SLC25A37: variants seen among roughly 807,000 people sequenced by gnomAD.
SLC25A37 encodes the protein mitoferrin-1.
In SLC25A37, 17 loss-of-function variants were observed where a neutral mutation model predicts 31.0. The ratio of observed to expected loss-of-function variants is 0.55; its 90% confidence interval spans 0.38 to 0.82. The LOEUF is 0.82. Among genes scored for constraint, SLC25A37 ranks in the 40% least tolerant of loss-of-function variants. The pLI is 0.00. For synonymous variants in SLC25A37, 222 were observed against 193.0 expected (o/e 1.15, Z -1.24); for missense variants, 404 against 465.8 (o/e 0.87, Z 1.22).
chr8:23,529,091 C>A lies in SLC25A37; in HGVS notation c.89C>A (p.Ala30Asp). 4 of 1,605,238 alleles carry A rather than the reference C, an allele frequency of 2.5e-6. No individual in the cohort carries two copies. Among genetic ancestry groups the A allele is most frequent in the Non-Finnish European group, 3.4e-6 (4 of 1,176,802 alleles). ...CGAGATGGCGGCGGCGGCAAGGACG[C>A]CACCGGGTCGGAGGACTACGAGAAC... ...DSRDGGGGKD[A>D]TGSEDYENLP... Residue 30 changes from alanine to aspartate, a missense_variant, in exon 1 of 4, where the codon GCC (alanine) becomes GAC (aspartate). Ala to Asp is a moderately radical substitution (Grantham distance 126). This residue lies in a region of SLC25A37 where 154 missense variants were observed against 153.6 expected (regional missense o/e 1.00). Coordinates refer to ENST00000519973, the MANE Select transcript of SLC25A37 (RefSeq NM_016612.4). This position sits in a 1 kb window ranked among gnomAD's most constrained non-coding sequence, Gnocchi z 4.1.
intron 1 of SLC25A37, among the ~76,000 whole-genome samples, chr8:23,544,903 C>T (rs1046635641): frequency 3.3e-5 from 5 of 152,188 alleles, no homozygotes; most frequent in African/African-American, 1.2e-4. Context: ...GAAGCCCAGC[C>T]TCCTCCCAGG....
At chr8:23,544,591 C>G (rs1434920661) in intron 1 of SLC25A37, among the ~76,000 whole-genome samples, 1 of 152,110 alleles carries the variant, frequency 6.6e-6, no homozygotes, top group African/African-American at 2.4e-5. Flanking sequence ...GATCCTGCAC[C>G]TCACGGGGAG....
chr8:23,555,217 T>C (rs955883873), intron 1 of SLC25A37, among the ~76,000 whole-genome samples: 2 of 152,222 alleles, frequency 1.3e-5, no homozygotes, highest in African/African-American at 4.8e-5. Flanking sequence ...TTCCTCTCCA[T>C]GCCAAATTTG....
intron 1 of SLC25A37, among the ~76,000 whole-genome samples, chr8:23,554,842 C>T (rs1397319304): frequency 2.0e-5 from 3 of 152,180 alleles, no homozygotes; most frequent in Admixed American, 6.5e-5. Context: ...TTCTGTTGCA[C>T]GGCCTGTTGC....
chr8:23,566,859 G>C, intron 2 of SLC25A37: 1 of 982,046 alleles, frequency 1.0e-6, no homozygotes, highest in Non-Finnish European at 1.2e-6. Flanking sequence ...AACGCAGAAG[G>C]CCTTTCCCAC....
chr8:23,564,878 TCTAC>T (rs1199798873), intron 1 of SLC25A37, among the ~76,000 whole-genome samples: 3 of 151,976 alleles, frequency 2.0e-5, no homozygotes, highest in Admixed American at 6.6e-5. Context: ...TGTCTGTCTG[TCTAC>T]CTACCTACCT....
At chr8:23,549,578 G>A (rs1018466181) in intron 1 of SLC25A37, among the ~76,000 whole-genome samples, 2 of 152,216 alleles carry the variant, frequency 1.3e-5, no homozygotes, top group Non-Finnish European at 2.9e-5. Flanking sequence ...AGAACGGCAA[G>A]CCTGGTGCAT....
At chr8:23,540,111 T>G (rs1256567822) in intron 1 of SLC25A37, among the ~76,000 whole-genome samples, 1 of 152,232 alleles carries the variant, frequency 6.6e-6, no homozygotes, top group African/African-American at 2.4e-5. Flanking sequence ...TAGCTTTTAT[T>G]TGGTCATTTG....
intron 1 of SLC25A37, among the ~76,000 whole-genome samples, chr8:23,533,056 T>C (rs1801693435): frequency 6.6e-6 from 1 of 152,236 alleles, no homozygotes; most frequent in Non-Finnish European, 1.5e-5. Flanking sequence ...TCCCTTCTTT[T>C]CTCTCCTTTG....
At chr8:23,536,460 T>G (rs1801770785) in intron 1 of SLC25A37, among the ~76,000 whole-genome samples, 1 of 152,088 alleles carries the variant, frequency 6.6e-6, no homozygotes, top group Admixed American at 6.5e-5. Flanking sequence ...CAGGGGCACC[T>G]CCGAGAGGGG....
At position 23,550,350 on chromosome 8, in the gene SLC25A37, C is replaced by T. The variant is rs570404802; in HGVS notation, c.211-15758C>T. Among the ~76,000 whole-genome samples the T allele has an allele frequency of 2.8e-4, 42 of 152,200 alleles. 2 individuals carry two copies. The South Asian group carries it at 5.8e-3, about 21-fold the overall frequency. On this transcript the variant is annotated intron_variant, in intron 1 of 3. Transcript: ENST00000519973. Reference sequence around the variant, plus strand: ...ATCACAGTGCTGCCGCCCTCCTTCACGTTTCTCTGACCTTTCATGGGAGTC... The same window carrying T: ...ATCACAGTGCTGCCGCCCTCCTTCATGTTTCTCTGACCTTTCATGGGAGTC...
chr8:23,552,057 A>G (rs536076620), intron 1 of SLC25A37, among the ~76,000 whole-genome samples: 3 of 152,278 alleles, frequency 2.0e-5, no homozygotes, highest in African/African-American at 4.8e-5. Flanking sequence ...CAAACCTGCA[A>G]TACTGTTCTT....
At chr8:23,550,852 G>C (rs964601550) in intron 1 of SLC25A37, among the ~76,000 whole-genome samples, 3 of 152,214 alleles carry the variant, frequency 2.0e-5, no homozygotes, top group Non-Finnish European at 4.4e-5. Flanking sequence ...CCCACGGGCT[G>C]GCGGGAGCCC....
At chr8:23,561,392 G>A (rs1242874554) in intron 1 of SLC25A37, among the ~76,000 whole-genome samples, 3 of 152,184 alleles carry the variant, frequency 2.0e-5, no homozygotes, top group Non-Finnish European at 2.9e-5. Context: ...GCTGACATGA[G>A]CAGTTTTGTA....
rs1183244888 is a variant in SLC25A37, at chr8:23,571,427, T to C, written c.589T>C (p.Phe197Leu). 1 of 1,613,922 alleles carries C rather than the reference T, an allele frequency of 6.2e-7. No homozygotes were observed. Among genetic ancestry groups the C allele is most frequent in the East Asian group, 2.2e-5 (1 of 44,858 alleles). The stretch of plus-strand genomic sequence containing the variant: ...GTGGAGGACCGAGGGGTTGGGGGCC[T>C]TCTACCGGAGCTACACCACGCAGCT... ...TVWRTEGLGA[F>L]YRSYTTQLTM... is the part of the protein sequence containing the mutation. Residue 197 changes from phenylalanine (F) to leucine (L), a missense_variant, in exon 4 of 4, where the codon TTC becomes CTC. Phe to Leu is a conservative substitution (Grantham distance 22). Around this residue, in one of 3 missense-constraint regions of SLC25A37, gnomAD observed 243 missense variants for 284.4 expected, o/e 0.85. Coordinates refer to ENST00000519973, the MANE Select transcript of SLC25A37 (RefSeq NM_016612.4).
Position 23,566,153 on chromosome 8 carries a change from A to T in SLC25A37, c.256A>T (p.Ser86Cys). Residue 86 changes from serine to cysteine, a missense_variant, in exon 2 of 4, where the codon AGT becomes TGT. This residue lies in a region of SLC25A37 where 154 missense variants were observed against 153.6 expected (regional missense o/e 1.00). Transcript: ENST00000519973. ...LSPDPKAQYT[S>C]IYGALKKIMR... ...TCCAGATCCCAAAGCCCAGTACACA[A>T]GTATCTACGGAGCCCTCAAGAAAAT... The T allele has an allele frequency of 6.9e-6, 11 of 1,604,086 alleles. No homozygotes were observed. Among genetic ancestry groups the T allele is most frequent in the Non-Finnish European group, 8.5e-6 (10 of 1,176,854 alleles).
intron 1 of SLC25A37, among the ~76,000 whole-genome samples, chr8:23,552,666 C>T (rs1563259349): frequency 1.3e-5 from 2 of 152,202 alleles, no homozygotes; most frequent in African/African-American, 4.8e-5. Context: ...CCAACCAGAA[C>T]GTACGTTACT....
intron 2 of SLC25A37, 185 bp from the exon 3 acceptor site, chr8:23,568,137 C>T: frequency 1.4e-6 from 1 of 697,714 alleles, no homozygotes. Flanking sequence ...AATTAACCAT[C>T]CCCATTTTTA....
chr8:23,564,147 C>T (rs768224587), intron 1 of SLC25A37, among the ~76,000 whole-genome samples: 23 of 151,876 alleles, frequency 1.5e-4, no homozygotes, highest in Admixed American at 7.9e-4. Context: ...ATTGTTTTTG[C>T]GTCCTTTCTG....
Sources: allele counts gnomAD v4.1 joint callset (sites outside exome capture counted in the v4.1 genomes callset), GRCh38; gene constraint gnomAD v4.1.1; regional missense constraint gnomAD v4.1.1; non-coding constraint Gnocchi (gnomAD v3.1); transcripts MANE v1.5; gene names NCBI Gene and HGNC (gene_info 2026-07-23, HGNC 2026-07-21).